TSPAN11: variants seen among roughly 807,000 people sequenced by gnomAD.
TSPAN11 encodes the protein tetraspanin-11.
A neutral mutation model predicts 32.9 loss-of-function variants in TSPAN11; 29 were observed. That is an observed-to-expected ratio of 0.88 (90% CI 0.66 to 1.20). The LOEUF (loss-of-function observed/expected upper bound fraction) is 1.20, where lower values mean the gene tolerates loss of function less well. Among genes scored for constraint, TSPAN11 ranks in the 50% most tolerant of loss-of-function variants. The pLI is 0.00. For missense variants in TSPAN11, 283 were observed against 329.1 expected, an observed-to-expected ratio of 0.86 and a Z score of 1.08; for synonymous variants, 140 against 141.3, an observed-to-expected ratio of 0.99 and a Z score of 0.07.
At chr12:30,942,968 C>T (rs772311410) in intron 1 of TSPAN11, among the ~76,000 whole-genome samples, 1 of 152,168 alleles carries the variant, frequency 6.6e-6, no homozygotes, top group Non-Finnish European at 1.5e-5. Flanking sequence ...AAACCCCAGC[C>T]CAGCCTGTGC....
chr12:30,971,308 A>G (rs951891145), intron 3 of TSPAN11, among the ~76,000 whole-genome samples: 9 of 152,228 alleles, frequency 5.9e-5, no homozygotes, highest in Non-Finnish European at 1.3e-4. Context: ...TTGAAATTCC[A>G]GTTTTATAAA....
chr12:30,948,399 C>T (rs182321061), intron 1 of TSPAN11, among the ~76,000 whole-genome samples: 4 of 152,344 alleles, frequency 2.6e-5, no homozygotes, highest in African/African-American at 9.6e-5. Context: ...GCCGCCCCTG[C>T]AGCAAACTTT....
intron 1 of TSPAN11, 100 bp downstream of exon 1, chr12:30,926,896 C>G: frequency 4.8e-6 from 6 of 1,247,256 alleles, no homozygotes; most frequent in Non-Finnish European, 5.2e-6. Flanking sequence ...CGCCGGCAGT[C>G]CCGAGCTAGA....
intron 5 of TSPAN11, among the ~76,000 whole-genome samples, chr12:30,981,983 GTACAGA>G (rs1939101649): frequency 6.6e-6 from 1 of 152,162 alleles, no homozygotes; most frequent in African/African-American, 2.4e-5. Flanking sequence ...CCCTGGGGTG[GTACAGA>G]TGACCCCAGG....
chr12:30,933,213 T>C (rs964877032), intron 1 of TSPAN11, among the ~76,000 whole-genome samples: 1 of 152,172 alleles, frequency 6.6e-6, no homozygotes, highest in Non-Finnish European at 1.5e-5. Flanking sequence ...CTCTGGGTGA[T>C]CCTTGTCCTC....
At chr12:30,928,543 G>A (rs1451118552) in intron 1 of TSPAN11, among the ~76,000 whole-genome samples, 1 of 152,162 alleles carries the variant, frequency 6.6e-6, no homozygotes, top group Admixed American at 6.5e-5. Flanking sequence ...TCCACCCTCG[G>A]ATGTCACCTG....
chr12:31,001,679 G>A, the TSPAN11 span, among the ~76,000 whole-genome samples: 1 of 152,114 alleles, frequency 6.6e-6, no homozygotes, highest in Non-Finnish European at 1.5e-5. Flanking sequence ...ATTGTGCTTT[G>A]CTGAGCACCA....
At chr12:30,935,373 GTTTTTTT>G (rs35076467) in intron 1 of TSPAN11, among the ~76,000 whole-genome samples, 1 of 120,922 alleles carries the variant, frequency 8.3e-6, no homozygotes, top group East Asian at 2.5e-4. Context: ...TGCTTTGTGG[GTTTTTTT>G]TTTTTTTTTT....
chr12:31,008,365 T>C, the TSPAN11 span, among the ~76,000 whole-genome samples: 19 of 152,244 alleles, frequency 1.2e-4, no homozygotes, highest in Admixed American at 7.9e-4. Flanking sequence ...CAGCCATGCC[T>C]GCTCCCAGAA....
intron 2 of TSPAN11, among the ~76,000 whole-genome samples, chr12:30,957,183 T>C (rs999743542): frequency 4.7e-5 from 7 of 150,428 alleles, no homozygotes; most frequent in African/African-American, 1.7e-4. Flanking sequence ...GAACAGGTGA[T>C]GGCTTTTCTG....
intron 3 of TSPAN11, among the ~76,000 whole-genome samples, chr12:30,965,565 G>A (rs545492716): frequency 3.2e-4 from 49 of 152,224 alleles, no homozygotes; most frequent in Non-Finnish European, 5.9e-4. Context: ...TCCTCCCAGA[G>A]CCCAATTAGA....
At chr12:30,927,522 G>A (rs771663676) in intron 1 of TSPAN11, among the ~76,000 whole-genome samples, 1 of 152,136 alleles carries the variant, frequency 6.6e-6, no homozygotes, top group Non-Finnish European at 1.5e-5. Context: ...CTAAGCTGCT[G>A]TGTGCAGGAG....
At chr12:30,976,635 G>T (rs191968931) in intron 3 of TSPAN11, among the ~76,000 whole-genome samples, 142 of 152,276 alleles carry the variant, frequency 9.3e-4, no homozygotes, top group Non-Finnish European at 1.8e-3. Context: ...CCAGGGAGTG[G>T]AAAGTCCGTA....
At chr12:30,964,245 C>G (rs1938681142) in intron 3 of TSPAN11, among the ~76,000 whole-genome samples, 1 of 152,094 alleles carries the variant, frequency 6.6e-6, no homozygotes. Context: ...TTCTCCGTAT[C>G]TCCATCTCTG....
intron 3 of TSPAN11, chr12:30,978,204 T>C (rs990819389): frequency 4.4e-6 from 1 of 229,814 alleles, no homozygotes; most frequent in African/African-American, 2.2e-5. Flanking sequence ...TTTCTAGAGC[T>C]TACCCTGTAG....
At chr12:30,930,223 T>A (rs772091640) in intron 1 of TSPAN11, among the ~76,000 whole-genome samples, 5 of 152,162 alleles carry the variant, frequency 3.3e-5, no homozygotes, top group Non-Finnish European at 7.3e-5. Context: ...TGTACATGTA[T>A]GTTTTCCAAG....
At chr12:31,002,107 G>T in the TSPAN11 span, among the ~76,000 whole-genome samples, 2 of 152,144 alleles carry the variant, frequency 1.3e-5, no homozygotes, top group Non-Finnish European at 2.9e-5. This position sits in a 1 kb window ranked among gnomAD's most constrained non-coding sequence, Gnocchi z 4.8. Context: ...AGTCTGTCTC[G>T]GTAAATCTCC....
chr12:30,953,921 T>C, intron 1 of TSPAN11, 60 bp from the exon 2 acceptor site: 1 of 1,300,998 alleles, frequency 7.7e-7, no homozygotes, highest in Non-Finnish European at 1.1e-6. Context: ...GCTCTGGCTC[T>C]GGGAAGGACA....
intron 1 of TSPAN11, among the ~76,000 whole-genome samples, chr12:30,947,862 G>A (rs1029196647): frequency 3.3e-5 from 5 of 152,020 alleles, no homozygotes; most frequent in African/African-American, 9.7e-5. Context: ...TAACCCAAAG[G>A]TCCAGAGTCC....
Sources: gnomAD v4.1 joint callset for allele counts (sites outside exome capture counted in the v4.1 genomes callset) on GRCh38, gnomAD v4.1.1 for gene constraint, Gnocchi (gnomAD v3.1) non-coding constraint, MANE v1.5 for transcripts, NCBI Gene and HGNC (gene_info 2026-07-23, HGNC 2026-07-21) for gene names.